NTN1: variants seen among roughly 807,000 people sequenced by gnomAD.
NTN1 encodes netrin 1.
NTN1 carries 11 observed loss-of-function variants against 54.2 expected under a neutral mutation model. The ratio of observed to expected loss-of-function variants is 0.20; its 90% CI spans 0.13 to 0.34. The LOEUF (loss-of-function observed/expected upper bound fraction) is 0.34. Ranked by LOEUF, NTN1 falls within the 10% of genes least tolerant of loss-of-function variation. The pLI is 1.00. For synonymous variants in NTN1, 371 were observed against 382.0 expected (o/e 0.97, Z 0.33); for missense variants, 740 against 893.1 (o/e 0.83, Z 2.18).
chr17:9,178,566 T>C (rs2092408356), intron 3 of NTN1, among the ~76,000 whole-genome samples: 1 of 152,268 alleles, frequency 6.6e-6, no homozygotes, highest in Admixed American at 6.5e-5. Context: ...CCAGCAGTGC[T>C]TGCTGGGAAG....
chr17:9,060,760 G>A (rs957538880), intron 2 of NTN1, among the ~76,000 whole-genome samples: 2 of 152,072 alleles, frequency 1.3e-5, no homozygotes, highest in African/African-American at 2.4e-5. Context: ...GGCAGATCAC[G>A]AGGTTAAGAG....
intron 2 of NTN1, among the ~76,000 whole-genome samples, chr17:9,152,037 GA>G (rs770205688): frequency 6.6e-6 from 1 of 151,562 alleles, no homozygotes; most frequent in Non-Finnish European, 1.5e-5. Context: ...ACAAATAAGG[GA>G]ATAAAAGCTG....
chr17:9,086,353 TAAAAC>T (rs2092089920), intron 2 of NTN1, among the ~76,000 whole-genome samples: 1 of 151,954 alleles, frequency 6.6e-6, no homozygotes, highest in African/African-American at 2.4e-5. Flanking sequence ...AAAATAAAAA[TAAAAC>T]AAACAAACAT....
chr17:9,129,932 T>C (rs1421888735), intron 2 of NTN1, among the ~76,000 whole-genome samples: 2 of 152,074 alleles, frequency 1.3e-5, no homozygotes, highest in African/African-American at 2.4e-5. Flanking sequence ...ACCAGGCCAG[T>C]GATGGTGTGT....
At chr17:9,007,896 A>G in the NTN1 span, among the ~76,000 whole-genome samples, 4 of 151,882 alleles carry the variant, frequency 2.6e-5, no homozygotes, top group African/African-American at 9.7e-5. Context: ...AATGCCTGCA[A>G]ATAATTTATT....
At chr17:9,182,246 C>T (rs114883282) in intron 4 of NTN1, among the ~76,000 whole-genome samples, 2,970 of 151,306 alleles carry the variant, frequency 0.02, 43 homozygotes, top group African/African-American at 0.041. Context: ...GGGCCCCAAA[C>T]GTGTTGGGAT....
chr17:9,152,783 G>A (rs1360824077), intron 2 of NTN1, among the ~76,000 whole-genome samples: 7 of 152,208 alleles, frequency 4.6e-5, no homozygotes, highest in Non-Finnish European at 1.5e-5. Context: ...ATCATCAGAC[G>A]CAGATGTCTT....
At chr17:9,038,975 AT>A (rs1329795447) in intron 2 of NTN1, among the ~76,000 whole-genome samples, 1 of 152,176 alleles carries the variant, frequency 6.6e-6, no homozygotes, top group Non-Finnish European at 1.5e-5. Flanking sequence ...TTCATCAAAT[AT>A]TTAGCCAGTT....
chr17:9,137,706 A>G (rs1407099697), intron 2 of NTN1, among the ~76,000 whole-genome samples: 1 of 152,074 alleles, frequency 6.6e-6, no homozygotes, highest in Non-Finnish European at 1.5e-5. Flanking sequence ...AGGCAGGAGA[A>G]TCGCTTGAAC....
intron 2 of NTN1, among the ~76,000 whole-genome samples, chr17:9,139,938 CATCT>C (rs917037378): frequency 1.1e-4 from 17 of 151,724 alleles, no homozygotes; most frequent in African/African-American, 4.1e-4. Flanking sequence ...TCCATCCATC[CATCT>C]GTCCATCATC....
chr17:9,112,580 CT>C lies in NTN1; in HGVS notation c.1019-50230del, dbSNP rs755999666. 2.2e-3 allele frequency among the ~76,000 whole-genome samples: 308 copies of C among 141,728 alleles called. 1 individual carries two copies. Among genetic ancestry groups the C allele is most frequent in the Non-Finnish European group, 3.6e-3 (236 of 64,860 alleles). The allele number at this position is 141,728 out of a possible 152,430, so 93.0% of individuals were successfully genotyped here. A position where few individuals can be genotyped will look rare whatever the true frequency, so the allele number is the denominator to read the frequency against. Reference sequence around the variant, plus strand: ...ACCCCTCATGCCTGTAATCCCAGCACTTTGGGAGGCCGAGGCAGGCGGATCA... The same window carrying C: ...ACCCCTCATGCCTGTAATCCCAGCACTTGGGAGGCCGAGGCAGGCGGATCA... On this transcript the variant is annotated intron_variant, in intron 2 of 6. Transcript: ENST00000173229.
intron 2 of NTN1, among the ~76,000 whole-genome samples, chr17:9,144,107 G>T (rs1353196706): frequency 6.6e-6 from 1 of 152,030 alleles, no homozygotes; most frequent in African/African-American, 2.4e-5. Flanking sequence ...TGTTGGCCAG[G>T]CTGATCTAGA....
At chr17:9,007,304 TTTCCC>T in the NTN1 span, among the ~76,000 whole-genome samples, 1 of 143,772 alleles carries the variant, frequency 7.0e-6, no homozygotes, top group Non-Finnish European at 1.5e-5. Context: ...TCTTTCTTTC[TTTCCC>T]TTCTTTTCCT....
intron 2 of NTN1, among the ~76,000 whole-genome samples, chr17:9,159,800 CAAAT>C (rs548076978): frequency 9.2e-5 from 14 of 151,782 alleles, no homozygotes; most frequent in African/African-American, 2.7e-4. Flanking sequence ...GACTCCATCT[CAAAT>C]AAATAAATAA....
intron 3 of NTN1, among the ~76,000 whole-genome samples, chr17:9,172,373 G>C (rs1241827622): frequency 1.3e-5 from 2 of 152,050 alleles, no homozygotes; most frequent in Non-Finnish European, 2.9e-5. Context: ...CCAGCTACTC[G>C]GGAGGCTGAG....
intron 2 of NTN1, among the ~76,000 whole-genome samples, chr17:9,040,653 G>A (rs1187337150): frequency 6.6e-6 from 1 of 152,086 alleles, no homozygotes; most frequent in Non-Finnish European, 1.5e-5. Flanking sequence ...ATGTACTCTT[G>A]TATTACTACT....
rs115999365 is a variant in NTN1, at chr17:9,164,825, C to T, written c.1207+1824C>T. ...AAAAATCACGGTTTCAGGTGAGAAT[C>T]CCCCAGAAGACTGAGCAGAGAATGA... On this transcript the variant is annotated intron_variant, in intron 3 of 6. Coordinates refer to ENST00000173229, the MANE Select transcript of NTN1 (RefSeq NM_004822.3). Among the ~76,000 whole-genome samples, 864 of 152,212 alleles carry T rather than the reference C, an allele frequency of 5.7e-3. 5 individuals are homozygous for T. The highest frequency in any genetic ancestry group is 0.02 in the African/African-American group (833 of 41,510).
At chr17:9,081,585 A>G (rs869019) in intron 2 of NTN1, among the ~76,000 whole-genome samples, 84,237 of 152,040 alleles carry the variant, frequency 0.55, 24,372 homozygotes, top group East Asian at 0.95. Flanking sequence ...ACATCCTGCC[A>G]TGAAGTACTA....
At chr17:9,237,778 G>A (rs1198495073) in intron 6 of NTN1, among the ~76,000 whole-genome samples, 2 of 152,178 alleles carry the variant, frequency 1.3e-5, no homozygotes, top group African/African-American at 2.4e-5. Flanking sequence ...GGGGCACTCA[G>A]TTGCCACGGT....
Sources: allele counts gnomAD v4.1 joint callset (sites outside exome capture counted in the v4.1 genomes callset), GRCh38; gene constraint gnomAD v4.1.1; transcripts MANE v1.5; gene names NCBI Gene and HGNC (gene_info 2026-07-23, HGNC 2026-07-21).